SLC25A11: variants seen among roughly 807,000 people sequenced by gnomAD.
SLC25A11 encodes the protein mitochondrial 2-oxoglutarate/malate carrier protein.
SLC25A11 carries 11 observed loss-of-function variants against 32.7 expected under a neutral mutation model. The ratio of observed to expected loss-of-function variants is 0.34; its 90% confidence interval spans 0.21 to 0.56. The LOEUF is 0.56. SLC25A11 is among the 20% of genes least tolerant of loss of function. The pLI is 0.90. For missense variants in SLC25A11, 295 were observed against 426.3 expected (o/e 0.69, Z 2.71); for synonymous variants, 163 against 168.3 (o/e 0.97, Z 0.24).
In SLC25A11 at chr17:4,939,379, G is replaced by C; in HGVS notation, c.96-167C>G. The C allele has an allele frequency of 3.9e-6, 3 of 767,582 alleles. No individual in the cohort carries two copies. The highest frequency in any genetic ancestry group is 1.9e-5 in the South Asian group (1 of 52,468). 47.5% of individuals were successfully genotyped at this position (767,582 alleles called of 1,614,324 possible). ...AGTCTATATGTACACCAAGTGCAACGGGTCTGAAAAGTCTAGTTGTCCAGT... is the reference window on the plus strand; with the variant it reads ...AGTCTATATGTACACCAAGTGCAACCGGTCTGAAAAGTCTAGTTGTCCAGT... On this transcript the variant is annotated intron_variant, in intron 1 of 7. Transcript: ENST00000225665. This position sits in a 1 kb window ranked among gnomAD's most constrained non-coding sequence, Gnocchi z 4.1.
rs965748782 is a variant in SLC25A11 at position 4,939,347 on chromosome 17, G to C, written c.96-135C>G. The C allele has an allele frequency of 1.0e-6, 1 of 993,658 alleles. No individual in the cohort carries two copies. The highest frequency in any genetic ancestry group is 2.6e-5 in the East Asian group (1 of 38,066). 61.6% of individuals were successfully genotyped at this position (993,658 alleles called of 1,614,324 possible). A position where few individuals can be genotyped will look rare whatever the true frequency, so the allele number is the denominator to read the frequency against. On this transcript the variant is annotated intron_variant, in intron 1 of 7. Coordinates refer to ENST00000225665, the MANE Select transcript of SLC25A11 (RefSeq NM_003562.5). The surrounding 1 kb of genome is among the most constrained non-coding windows in gnomAD (Gnocchi z 4.1). Reference sequence around the variant, plus strand: ...AGAATCAGGATGCTGGTGAGCATGTGTATAAGAGTCTATATGTACACCAAG... The same window carrying C: ...AGAATCAGGATGCTGGTGAGCATGTCTATAAGAGTCTATATGTACACCAAG...
chr17:4,939,771 C>G lies in SLC25A11; in HGVS notation c.95+45G>C, dbSNP rs773544883. On this transcript the variant is annotated intron_variant, in intron 1 of 7. Transcript: ENST00000225665. This position sits in a 1 kb window ranked among gnomAD's most constrained non-coding sequence, Gnocchi z 4.1. Reference sequence around the variant, plus strand: ...GATGAACCGGGCCCGGTTCCTTTTGCCCTTCCCTTCCTCCTCTTTTCCCAT... The same window carrying G: ...GATGAACCGGGCCCGGTTCCTTTTGGCCTTCCCTTCCTCCTCTTTTCCCAT... 1.3e-6 allele frequency: 2 copies of G among 1,514,448 alleles called. No homozygotes were observed. Among genetic ancestry groups the G allele is most frequent in the South Asian group, 2.3e-5 (2 of 87,822 alleles). 93.8% of individuals were successfully genotyped at this position (1,514,448 alleles called of 1,614,324 possible). A position where few individuals can be genotyped will look rare whatever the true frequency, so the allele number is the denominator to read the frequency against.
In SLC25A11 at chr17:4,939,357, C is replaced by T. The variant is rs1597649065; in HGVS notation, c.96-145G>A. On this transcript the variant is annotated intron_variant, in intron 1 of 7. Transcript: ENST00000225665. The surrounding 1 kb of genome is among the most constrained non-coding windows in gnomAD (Gnocchi z 4.1). ...TGCTGGTGAGCATGTGTATAAGAGT[C>T]TATATGTACACCAAGTGCAACGGGT... 1.1e-6 allele frequency: 1 copy of T among 888,560 alleles called. No individual in the cohort carries two copies. The highest frequency in any genetic ancestry group is 1.8e-5 in the South Asian group (1 of 56,002). 55.0% of individuals were successfully genotyped at this position (888,560 alleles called of 1,614,324 possible).
In SLC25A11 at chr17:4,938,663, G is replaced by A. The variant is rs1023684994; in HGVS notation, c.456-61C>T. On this transcript the variant is annotated intron_variant, in intron 3 of 7. Coordinates refer to ENST00000225665, the MANE Select transcript of SLC25A11 (RefSeq NM_003562.5). This position sits in a 1 kb window ranked among gnomAD's most constrained non-coding sequence, Gnocchi z 7.6. ...TGCCCACAGGTGCAAAGAAAGGAAG[G>A]CCAGAACAGGTAAACACTCTGCTCC... 4 of 1,589,680 alleles carry A rather than the reference G, an allele frequency of 2.5e-6. No homozygotes were observed. The South Asian group carries it at 3.3e-5, about 13-fold the overall frequency.
Position 4,938,640 on chromosome 17 carries a change from C to T in SLC25A11, c.456-38G>A. ...CAGAAAGAGGTCAAGATCAGGATTG[C>T]CCACAGGTGCAAAGAAAGGAAGGCC... is the stretch of plus-strand genomic sequence containing the variant. On this transcript the variant is annotated intron_variant, in intron 3 of 7. Transcript: ENST00000225665. The surrounding 1 kb of genome is among the most constrained non-coding windows in gnomAD (Gnocchi z 7.6). 3 of 1,602,640 alleles carry T rather than the reference C, an allele frequency of 1.9e-6. No individual in the cohort carries two copies. The highest frequency in any genetic ancestry group is 2.6e-6 in the Non-Finnish European group (3 of 1,169,888).
At position 4,939,951 on chromosome 17, in the gene SLC25A11, C is replaced by A; in HGVS notation, c.-41G>T. ...CTCGGCTCCGGGTCCCGTGCGCGCG[C>A]GGCCCCGCTCGCGCCCAAGGTGACA... On this transcript the variant is annotated 5_prime_UTR_variant, in exon 1 of 8. Coordinates refer to ENST00000225665, the MANE Select transcript of SLC25A11 (RefSeq NM_003562.5). The surrounding 1 kb of genome is among the most constrained non-coding windows in gnomAD (Gnocchi z 4.1). The A allele has an allele frequency of 6.6e-7, 1 of 1,515,204 alleles. No homozygotes were observed. The highest frequency in any genetic ancestry group is 8.9e-7 in the Non-Finnish European group (1 of 1,118,032). 93.9% of individuals were successfully genotyped at this position (1,515,204 alleles called of 1,614,324 possible).
In SLC25A11 at chr17:4,937,649, GAAA is replaced by G; in HGVS notation, c.*89_*91del. The G allele has an allele frequency of 7.0e-7, 1 of 1,431,496 alleles. No homozygotes were observed. Among genetic ancestry groups the G allele is most frequent in the Non-Finnish European group, 9.4e-7 (1 of 1,066,512 alleles). The allele number at this position is 1,431,496 out of a possible 1,614,324, so 88.7% of individuals were successfully genotyped here. A position where few individuals can be genotyped will look rare whatever the true frequency, so the allele number is the denominator to read the frequency against. On this transcript the variant is annotated 3_prime_UTR_variant, in exon 8 of 8. Coordinates refer to ENST00000225665, the MANE Select transcript of SLC25A11 (RefSeq NM_003562.5). ...GAGGAAGAAACCACACTGTGGAAGG[GAAA>G]TAAATAGAGGGGTCCAGGGCAGCAG...
Position 4,937,689 on chromosome 17 carries a change from C to T in SLC25A11, c.*52G>A. 6.5e-7 allele frequency: 1 copy of T among 1,547,340 alleles called. No homozygotes were observed. The highest frequency in any genetic ancestry group is 1.2e-5 in the South Asian group (1 of 80,236). On this transcript the variant is annotated 3_prime_UTR_variant, in exon 8 of 8. Transcript: ENST00000225665. Reference sequence around the variant, plus strand: ...GTCCAGGGCAGCAGAGCCCAGGCCCCCAGGGCGCAGTGGCTATAGGCGCAG... The same window carrying T: ...GTCCAGGGCAGCAGAGCCCAGGCCCTCAGGGCGCAGTGGCTATAGGCGCAG...
At position 4,939,568 on chromosome 17, in the gene SLC25A11, C is replaced by T. The variant is rs1316480156; in HGVS notation, c.95+248G>A. On this transcript the variant is annotated intron_variant, in intron 1 of 7. Transcript: ENST00000225665. This position sits in a 1 kb window ranked among gnomAD's most constrained non-coding sequence, Gnocchi z 4.1. Reference sequence around the variant, plus strand: ...TAATGGCCTGGAACCCCCTGCCGCCCGGCCGAGCTTAGCAATGCGCTGGGA... The same window carrying T: ...TAATGGCCTGGAACCCCCTGCCGCCTGGCCGAGCTTAGCAATGCGCTGGGA... 5 of 580,276 alleles carry T rather than the reference C, an allele frequency of 8.6e-6. No individual in the cohort carries two copies. In the Admixed American group the frequency reaches 1.3e-4, roughly 15 times the overall value. 35.9% of individuals were successfully genotyped at this position (580,276 alleles called of 1,614,324 possible).
chr17:4,939,960 T>G lies in SLC25A11; in HGVS notation c.-50A>C. The G allele has an allele frequency of 6.8e-7, 1 of 1,466,816 alleles. No individual in the cohort carries two copies. The highest frequency in any genetic ancestry group is 9.3e-7 in the Non-Finnish European group (1 of 1,079,190). The allele number at this position is 1,466,816 out of a possible 1,614,324, so 90.9% of individuals were successfully genotyped here. On this transcript the variant is annotated 5_prime_UTR_variant, in exon 1 of 8. Coordinates refer to ENST00000225665, the MANE Select transcript of SLC25A11 (RefSeq NM_003562.5). The surrounding 1 kb of genome is among the most constrained non-coding windows in gnomAD (Gnocchi z 4.1). ...GGGTCCCGTGCGCGCGCGGCCCCGCTCGCGCCCAAGGTGACACCGCGCGCG... is the reference window on the plus strand; with the variant it reads ...GGGTCCCGTGCGCGCGCGGCCCCGCGCGCGCCCAAGGTGACACCGCGCGCG...
Position 4,939,023 on chromosome 17 carries a change from A to C in SLC25A11, c.248+37T>G. The C allele has an allele frequency of 6.2e-7, 1 of 1,614,200 alleles. No homozygotes were observed. The highest frequency in any genetic ancestry group is 8.5e-7 in the Non-Finnish European group (1 of 1,180,026). ...TATCAGGCCAAGGTCTAGAGCTGCC[A>C]ACCCACAGTCTACCCTCCATCCTGA... On this transcript the variant is annotated intron_variant, in intron 2 of 7. Coordinates refer to ENST00000225665, the MANE Select transcript of SLC25A11 (RefSeq NM_003562.5). This position sits in a 1 kb window ranked among gnomAD's most constrained non-coding sequence, Gnocchi z 4.1.
chr17:4,937,608 C>T lies in SLC25A11; in HGVS notation c.*133G>A. 9.2e-7 allele frequency: 1 copy of T among 1,088,382 alleles called. No individual in the cohort carries two copies. 67.4% of individuals were successfully genotyped at this position (1,088,382 alleles called of 1,614,324 possible). On this transcript the variant is annotated 3_prime_UTR_variant, in exon 8 of 8. Coordinates refer to ENST00000225665, the MANE Select transcript of SLC25A11 (RefSeq NM_003562.5). ...AGCTGGAGCAGGGGGTAGAACAGACCAAGTCCTTTACCGCAGAGGAAGAAA... is the reference window on the plus strand; with the variant it reads ...AGCTGGAGCAGGGGGTAGAACAGACTAAGTCCTTTACCGCAGAGGAAGAAA...
Position 4,937,603 on chromosome 17 carries a change from C to T in SLC25A11, c.*138G>A. 1 of 1,033,186 alleles carries T rather than the reference C, an allele frequency of 9.7e-7. No homozygotes were observed. Among genetic ancestry groups the T allele is most frequent in the Non-Finnish European group, 1.4e-6 (1 of 722,836 alleles). 64.0% of individuals were successfully genotyped at this position (1,033,186 alleles called of 1,614,324 possible). ...GGGCAAGCTGGAGCAGGGGGTAGAACAGACCAAGTCCTTTACCGCAGAGGA... is the reference window on the plus strand; with the variant it reads ...GGGCAAGCTGGAGCAGGGGGTAGAATAGACCAAGTCCTTTACCGCAGAGGA... On this transcript the variant is annotated 3_prime_UTR_variant, in exon 8 of 8. Transcript: ENST00000225665.
chr17:4,937,686 C>A lies in SLC25A11; in HGVS notation c.*55G>T, dbSNP rs1970455522. ...GGGGTCCAGGGCAGCAGAGCCCAGG[C>A]CCCCAGGGCGCAGTGGCTATAGGCG... On this transcript the variant is annotated 3_prime_UTR_variant, in exon 8 of 8. Coordinates refer to ENST00000225665, the MANE Select transcript of SLC25A11 (RefSeq NM_003562.5). 1.6e-5 allele frequency: 24 copies of A among 1,534,302 alleles called. No individual in the cohort carries two copies. Among genetic ancestry groups the A allele is most frequent in the Non-Finnish European group, 2.0e-5 (23 of 1,142,136 alleles).
At position 4,939,955 on chromosome 17, in the gene SLC25A11, C is replaced by G. The variant is rs749787615; in HGVS notation, c.-45G>C. On this transcript the variant is annotated 5_prime_UTR_variant, in exon 1 of 8. Coordinates refer to ENST00000225665, the MANE Select transcript of SLC25A11 (RefSeq NM_003562.5). The surrounding 1 kb of genome is among the most constrained non-coding windows in gnomAD (Gnocchi z 4.1). ...GCTCCGGGTCCCGTGCGCGCGCGGC[C>G]CCGCTCGCGCCCAAGGTGACACCGC... The G allele has an allele frequency of 6.7e-7, 1 of 1,482,762 alleles. No homozygotes were observed. The highest frequency in any genetic ancestry group is 1.2e-5 in the South Asian group (1 of 82,604). 91.9% of individuals were successfully genotyped at this position (1,482,762 alleles called of 1,614,324 possible).
chr17:4,937,902 CACAG>C lies in SLC25A11; in HGVS notation c.790-10_790-7del. ...ACAACTTTGAACAGCACGTCCTAGA[CACAG>C]ACAGGCAGGGCGCTGGGGCTAGGAC... On this transcript the variant is annotated splice_region_variant and splice_polypyrimidine_tract_variant and intron_variant, in intron 7 of 7. Transcript: ENST00000225665. 1 of 1,612,690 alleles carries C rather than the reference CACAG, an allele frequency of 6.2e-7. No homozygotes were observed. The highest frequency in any genetic ancestry group is 2.2e-5 in the East Asian group (1 of 44,872).
Position 4,938,122 on chromosome 17 carries a change from C to T in SLC25A11, c.737+32G>A. 6.2e-7 allele frequency: 1 copy of T among 1,613,964 alleles called. No individual in the cohort carries two copies. Among genetic ancestry groups the T allele is most frequent in the Non-Finnish European group, 8.5e-7 (1 of 1,179,824 alleles). On this transcript the variant is annotated intron_variant, in intron 6 of 7. Coordinates refer to ENST00000225665, the MANE Select transcript of SLC25A11 (RefSeq NM_003562.5). This position sits in a 1 kb window ranked among gnomAD's most constrained non-coding sequence, Gnocchi z 7.6. ...ATGAGAGACCGAAAGGGCACCCTCC[C>T]ACCCACCTCCAGGCCCAGGCTGCAC...
chr17:4,938,319 G>C lies in SLC25A11; in HGVS notation c.637+20C>G. 6.2e-7 allele frequency: 1 copy of C among 1,613,738 alleles called. No individual in the cohort carries two copies. The highest frequency in any genetic ancestry group is 8.5e-7 in the Non-Finnish European group (1 of 1,179,718). On this transcript the variant is annotated intron_variant, in intron 5 of 7. Coordinates refer to ENST00000225665, the MANE Select transcript of SLC25A11 (RefSeq NM_003562.5). This position sits in a 1 kb window ranked among gnomAD's most constrained non-coding sequence, Gnocchi z 7.6. The stretch of plus-strand genomic sequence containing the variant: ...GGCTCAGGCCAGGCTGGGAACTAAG[G>C]GCCCAGCTCTGGATCTCACCTGAGT...
Position 4,938,761 on chromosome 17 carries a change from G to C in SLC25A11, c.455+8C>G. On this transcript the variant is annotated splice_region_variant and intron_variant, in intron 3 of 7. Coordinates refer to ENST00000225665, the MANE Select transcript of SLC25A11 (RefSeq NM_003562.5). The surrounding 1 kb of genome is among the most constrained non-coding windows in gnomAD (Gnocchi z 7.6). ...GGGGCTGGGGTTAGGTTCAGACTTG[G>C]AACTCACCGGCCATCGGCAGTCATG... is the stretch of plus-strand genomic sequence containing the variant. The C allele has an allele frequency of 6.2e-7, 1 of 1,606,958 alleles. No individual in the cohort carries two copies. Among genetic ancestry groups the C allele is most frequent in the South Asian group, 1.1e-5 (1 of 90,290 alleles).
Sources: gnomAD v4.1 joint callset for allele counts on GRCh38, gnomAD v4.1.1 for gene constraint, Gnocchi (gnomAD v3.1) non-coding constraint, MANE v1.5 for transcripts, NCBI Gene and HGNC (gene_info 2026-07-23, HGNC 2026-07-21) for gene names.